Variants in PDLIM5 observed in about 807,000 individuals in gnomAD.
The protein encoded by PDLIM5 is PDZ and LIM domain protein 5.
PDLIM5 carries 34 observed loss-of-function variants against 64.2 expected under a neutral mutation model. That is an observed-to-expected ratio of 0.53 (90% confidence interval 0.40 to 0.71). The LOEUF (loss-of-function observed/expected upper bound fraction) is 0.71. Ranked by LOEUF, PDLIM5 falls within the 30% of genes least tolerant of loss-of-function variation. The probability of loss-of-function intolerance (pLI) is 0.00; values close to 1 mark genes in which losing one functional copy is unlikely to be tolerated. For missense variants in PDLIM5, 683 were observed against 733.6 expected (o/e 0.93, Z 0.80); for synonymous variants, 253 against 269.1 (o/e 0.94, Z 0.59).
chr4:94,630,065 A>G (rs1317916925), intron 8 of PDLIM5, among the ~76,000 whole-genome samples: 2 of 152,186 alleles, frequency 1.3e-5, no homozygotes, highest in Non-Finnish European at 2.9e-5. Flanking sequence ...GCTGCACACA[A>G]TAGTATGCAA....
chr4:94,527,302 G>A (rs975699939), intron 3 of PDLIM5, among the ~76,000 whole-genome samples: 5 of 151,626 alleles, frequency 3.3e-5, no homozygotes, highest in South Asian at 2.1e-4. Flanking sequence ...TGATCTGCCC[G>A]CCTTGTCCTC....
intron 3 of PDLIM5, among the ~76,000 whole-genome samples, chr4:94,544,846 C>G (rs566241031): frequency 5.3e-4 from 81 of 152,268 alleles, no homozygotes; most frequent in African/African-American, 1.6e-3. Context: ...TTTGCTACTG[C>G]TTAGGTAACC....
At chr4:94,648,496 T>C (rs914591935) in intron 9 of PDLIM5, among the ~76,000 whole-genome samples, 14 of 152,256 alleles carry the variant, frequency 9.2e-5, no homozygotes, top group African/African-American at 3.4e-4. Context: ...ATTTTTGTAT[T>C]TTTAGTAGAG....
chr4:94,565,386 TA>T (rs1212138664), intron 3 of PDLIM5, among the ~76,000 whole-genome samples: 1 of 152,228 alleles, frequency 6.6e-6, no homozygotes, highest in African/African-American at 2.4e-5. Context: ...CCATCGTAGT[TA>T]TTTCTGTCAA....
At chr4:94,503,512 T>C (rs756237239) in intron 2 of PDLIM5, among the ~76,000 whole-genome samples, 3 of 152,202 alleles carry the variant, frequency 2.0e-5, no homozygotes, top group East Asian at 1.9e-4. Flanking sequence ...GAGCTTCACA[T>C]TGGGACAAGA....
intron 2 of PDLIM5, among the ~76,000 whole-genome samples, chr4:94,505,032 G>T (rs1413172298): frequency 1.3e-5 from 2 of 152,104 alleles, no homozygotes; most frequent in African/African-American, 4.8e-5. Context: ...GGGTGGTGGG[G>T]ATAAAACCAA....
rs577760504 is a variant in PDLIM5 at position 94,559,454 on chromosome 4, A to T, written c.249-13897A>T. On this transcript the variant is annotated intron_variant, in intron 3 of 12. Coordinates refer to ENST00000317968, the MANE Select transcript of PDLIM5 (RefSeq NM_006457.5). ...AAGGCAGAGATTCAACAAGAAGAGC[A>T]GTGAATCATGCTACATCTTGTTTTC... Among the ~76,000 whole-genome samples the T allele has an allele frequency of 5.9e-5, 9 of 152,354 alleles. No homozygotes were observed. In the South Asian group the frequency reaches 1.9e-3, roughly 32 times the overall value.
In PDLIM5 at chr4:94,665,890, C is replaced by T. The variant is rs921941146; in HGVS notation, c.*1823C>T. Reference sequence around the variant, plus strand: ...AGATTGGCCTGTTATTTGATTTCCTCCTTTGGGAAAAGAATTATGTAGATA... The same window carrying T: ...AGATTGGCCTGTTATTTGATTTCCTTCTTTGGGAAAAGAATTATGTAGATA... On this transcript the variant is annotated 3_prime_UTR_variant, in exon 13 of 13. Transcript: ENST00000317968. 2 of 1,427,448 alleles carry T rather than the reference C, an allele frequency of 1.4e-6. No homozygotes were observed. The highest frequency in any genetic ancestry group is 1.8e-6 in the Non-Finnish European group (2 of 1,097,404). The allele number at this position is 1,427,448 out of a possible 1,614,324, so 88.4% of individuals were successfully genotyped here. A position where few individuals can be genotyped will look rare whatever the true frequency, so the allele number is the denominator to read the frequency against.
intron 7 of PDLIM5, among the ~76,000 whole-genome samples, chr4:94,593,137 GTAATAGTATAAAT>G (rs1163735293): frequency 6.6e-6 from 1 of 152,134 alleles, no homozygotes; most frequent in African/African-American, 2.4e-5. Flanking sequence ...AAGTCTTAGT[GTAATAGTATAAAT>G]TGGAAGGAAA....
intron 9 of PDLIM5, among the ~76,000 whole-genome samples, chr4:94,640,978 C>T (rs375114307): frequency 2.0e-5 from 3 of 152,150 alleles, no homozygotes; most frequent in South Asian, 2.1e-4. Flanking sequence ...CTTTAAAATA[C>T]GTTTTATCCC....
intron 5 of PDLIM5, among the ~76,000 whole-genome samples, chr4:94,576,458 G>A (rs1735268905): frequency 6.6e-6 from 1 of 152,160 alleles, no homozygotes; most frequent in African/African-American, 2.4e-5. Flanking sequence ...TCATGAATTT[G>A]TAAGGGGTTT....
chr4:94,661,067 G>A (rs909431931), intron 11 of PDLIM5, among the ~76,000 whole-genome samples: 14 of 152,188 alleles, frequency 9.2e-5, no homozygotes, highest in Middle Eastern at 3.4e-3. Context: ...CTGGGCAAGA[G>A]AGCGAGACTC....
chr4:94,572,812 T>A (rs1456342212), intron 3 of PDLIM5, among the ~76,000 whole-genome samples: 1 of 152,196 alleles, frequency 6.6e-6, no homozygotes, highest in African/African-American at 2.4e-5. Context: ...TGTATTAACT[T>A]GCATAGACAC....
chr4:94,609,001 C>A (rs1473282945), intron 7 of PDLIM5, among the ~76,000 whole-genome samples: 1 of 152,136 alleles, frequency 6.6e-6, no homozygotes, highest in African/African-American at 2.4e-5. Flanking sequence ...AATTCTGTAT[C>A]ATTTTGAAAA....
At position 94,636,539 on chromosome 4, in the gene PDLIM5, C is replaced by CTTTTT. The variant is rs770256162; in HGVS notation, c.1109-3724_1109-3720dup. On this transcript the variant is annotated intron_variant, in intron 8 of 12. Coordinates refer to ENST00000317968, the MANE Select transcript of PDLIM5 (RefSeq NM_006457.5). ...TAGAAAGAAGTATATAGAGTTCGTA[C>CTTTTT]TTTTTTTTTTTTTTTTTGAGATGGA... is the stretch of plus-strand genomic sequence containing the variant. 1.6e-4 allele frequency among the ~76,000 whole-genome samples: 22 copies of CTTTTT among 133,860 alleles called. No individual in the cohort carries two copies. In the South Asian group the frequency reaches 2.6e-3, roughly 16 times the overall value. The allele number at this position is 133,860 out of a possible 152,430, so 87.8% of individuals were successfully genotyped here.
At chr4:94,453,884 A>G (rs754299427) in intron 1 of PDLIM5, among the ~76,000 whole-genome samples, 14 of 152,146 alleles carry the variant, frequency 9.2e-5, no homozygotes, top group Admixed American at 5.2e-4. Context: ...GTAGTTCAGT[A>G]TACTACCACG....
At chr4:94,498,602 CGTT>C (rs976333785) in intron 2 of PDLIM5, among the ~76,000 whole-genome samples, 7 of 152,166 alleles carry the variant, frequency 4.6e-5, no homozygotes, top group Non-Finnish European at 8.8e-5. Context: ...CTTGCATTTT[CGTT>C]GTTGTTGTTC....
At chr4:94,522,240 G>A (rs1432435371) in intron 2 of PDLIM5, among the ~76,000 whole-genome samples, 1 of 152,138 alleles carries the variant, frequency 6.6e-6, no homozygotes, top group African/African-American at 2.4e-5. Context: ...CGACCTTCCC[G>A]AAGTCCCAGA....
At chr4:94,554,000 A>C (rs936979529) in intron 3 of PDLIM5, among the ~76,000 whole-genome samples, 2 of 152,254 alleles carry the variant, frequency 1.3e-5, no homozygotes, top group Non-Finnish European at 2.9e-5. Flanking sequence ...TGTCTTTGAA[A>C]AATGACTATA....
Sources: gnomAD v4.1 joint callset for allele counts (sites outside exome capture counted in the v4.1 genomes callset) on GRCh38, gnomAD v4.1.1 for gene constraint, MANE v1.5 for transcripts, NCBI Gene and HGNC (gene_info 2026-07-23, HGNC 2026-07-21) for gene names.